PCBD2: variants seen among roughly 807,000 people sequenced by gnomAD.
PCBD2 encodes the protein pterin-4-alpha-carbinolamine dehydratase 2.
A neutral mutation model predicts 16.4 loss-of-function variants in PCBD2; 12 were observed. The observed-to-expected ratio is 0.73, with a 90% confidence interval of 0.47 to 1.19. The LOEUF (loss-of-function observed/expected upper bound fraction) is 1.19, where lower values mean the gene tolerates loss of function less well. PCBD2 is among the 50% of genes most tolerant of loss of function. The pLI, the probability that PCBD2 is intolerant of heterozygous loss-of-function variation, is 0.00. For missense variants in PCBD2, 138 were observed against 156.8 expected (o/e 0.88, Z 0.64); for synonymous variants, 58 against 61.8 (o/e 0.94, Z 0.29).
chr5:134,947,775 G>T (rs894774445), intron 2 of PCBD2, among the ~76,000 whole-genome samples: 5 of 147,826 alleles, frequency 3.4e-5, no homozygotes, highest in Admixed American at 1.4e-4. Flanking sequence ...CTATGAAGTC[G>T]TTTTTTTTTT....
chr5:134,915,700 C>T (rs968985414), intron 2 of PCBD2, among the ~76,000 whole-genome samples: 1 of 152,064 alleles, frequency 6.6e-6, no homozygotes, highest in Non-Finnish European at 1.5e-5. Flanking sequence ...ATCCTCCTGC[C>T]TCAGCCTCTC....
intron 2 of PCBD2, among the ~76,000 whole-genome samples, chr5:134,954,714 G>T (rs1484284362): frequency 1.3e-5 from 2 of 151,438 alleles, no homozygotes; most frequent in East Asian, 3.9e-4. Flanking sequence ...AATGTTGAAT[G>T]TTGGTATGTG....
intron 2 of PCBD2, among the ~76,000 whole-genome samples, chr5:134,947,113 ATGGAGTTTTGCTCT>A (rs980216981): frequency 6.7e-6 from 1 of 148,690 alleles, no homozygotes; most frequent in African/African-American, 2.5e-5. Context: ...TTTTTTTGAG[ATGGAGTTTTGCTCT>A]TGTTGCCCAG....
At chr5:134,958,847 T>C (rs948503982) in intron 2 of PCBD2, among the ~76,000 whole-genome samples, 193 bp from the exon 3 acceptor site, 1 of 152,184 alleles carries the variant, frequency 6.6e-6, no homozygotes, top group African/African-American at 2.4e-5. Context: ...TTTTTCACCA[T>C]CCAGCAGTAG....
chr5:134,952,036 A>G (rs1044133507), intron 2 of PCBD2, among the ~76,000 whole-genome samples: 2 of 152,076 alleles, frequency 1.3e-5, no homozygotes, highest in Non-Finnish European at 2.9e-5. Context: ...TTTTCAGGAA[A>G]TAGAATTTAT....
intron 1 of PCBD2, among the ~76,000 whole-genome samples, chr5:134,908,664 CA>C (rs540737382): frequency 0.071 from 4,279 of 60,592 alleles, 160 homozygotes; most frequent in African/African-American, 0.19. Flanking sequence ...GACTTGGTCT[CA>C]AAAAAAAAAA....
chr5:134,918,462 G>A (rs1325412576), intron 2 of PCBD2, among the ~76,000 whole-genome samples: 1 of 152,018 alleles, frequency 6.6e-6, no homozygotes, highest in African/African-American at 2.4e-5. Flanking sequence ...CAGAGATCAC[G>A]GCACTGCACT....
chr5:134,951,282 G>T (rs1485236125), intron 2 of PCBD2, among the ~76,000 whole-genome samples: 2 of 151,904 alleles, frequency 1.3e-5, no homozygotes, highest in African/African-American at 4.8e-5. Context: ...ATGAACTATT[G>T]TTATGCATAT....
intron 1 of PCBD2, among the ~76,000 whole-genome samples, chr5:134,906,950 T>C (rs1750698954): frequency 6.6e-6 from 1 of 152,166 alleles, no homozygotes; most frequent in Admixed American, 6.5e-5. Context: ...CATGGGGGCC[T>C]TTGATGTTAT....
In PCBD2 at chr5:134,923,834, G is replaced by A. The variant is rs1580882021; in HGVS notation, c.216+13368G>A. 5.6e-5 allele frequency: 22 copies of A among 393,926 alleles called. No individual in the cohort carries two copies. In the East Asian group the frequency reaches 6.1e-4, roughly 11 times the overall value. The allele number at this position is 393,926 out of a possible 1,614,324, so 24.4% of individuals were successfully genotyped here. A position where few individuals can be genotyped will look rare whatever the true frequency, so the allele number is the denominator to read the frequency against. On this transcript the variant is annotated intron_variant, in intron 2 of 3. Transcript: ENST00000254908. ...AGCGGATGATTCAGCCATAATTTAC[G>A]TCTCGGGTGATATGGGCGATCGATG...
chr5:134,958,952 C>A, intron 2 of PCBD2, 88 bp from the exon 3 acceptor site: 1 of 1,005,146 alleles, frequency 9.9e-7, no homozygotes, highest in African/African-American at 1.6e-5. Flanking sequence ...CCTTGCCTGC[C>A]TTTATGTGGT....
At chr5:134,915,354 A>G (rs928255877) in intron 2 of PCBD2, among the ~76,000 whole-genome samples, 4 of 151,780 alleles carry the variant, frequency 2.6e-5, no homozygotes, top group African/African-American at 7.3e-5. Flanking sequence ...GTCCTAACCT[A>G]GAAATTTATC....
intron 1 of PCBD2, chr5:134,905,485 T>G: frequency 2.9e-6 from 1 of 344,842 alleles, no homozygotes. Flanking sequence ...CGGAAACAAA[T>G]GGGAACGAAT....
chr5:134,910,156 A>C (rs1041409928), intron 1 of PCBD2, among the ~76,000 whole-genome samples, 179 bp from the exon 2 acceptor site: 1 of 152,216 alleles, frequency 6.6e-6, no homozygotes, highest in Non-Finnish European at 1.5e-5. Context: ...CCATGGAGGC[A>C]GCTTATTTTG....
At chr5:134,932,233 A>G (rs555966307) in intron 2 of PCBD2, among the ~76,000 whole-genome samples, 2 of 152,228 alleles carry the variant, frequency 1.3e-5, no homozygotes, top group East Asian at 3.9e-4. Context: ...ATTGGAGTGC[A>G]GCGACGTGAT....
intron 2 of PCBD2, among the ~76,000 whole-genome samples, chr5:134,936,176 G>T (rs1751157000): frequency 1.3e-5 from 2 of 152,156 alleles, no homozygotes; most frequent in African/African-American, 4.8e-5. Flanking sequence ...TCTTTTTTGT[G>T]TACTTAGGAT....
chr5:134,928,094 A>C (rs1561910477), intron 2 of PCBD2: 3 of 393,816 alleles, frequency 7.6e-6, no homozygotes, highest in Non-Finnish European at 1.3e-5. Flanking sequence ...GATTGAGACT[A>C]GTAGGGCTAG....
intron 2 of PCBD2, chr5:134,925,239 T>A (rs1316715865): frequency 2.5e-6 from 1 of 398,532 alleles, no homozygotes; most frequent in East Asian, 3.6e-5. Flanking sequence ...TAGACAGGGC[T>A]CAGGCGTTTG....
At chr5:134,957,307 A>C (rs1751425422) in intron 2 of PCBD2, among the ~76,000 whole-genome samples, 1 of 152,172 alleles carries the variant, frequency 6.6e-6, no homozygotes, top group African/African-American at 2.4e-5. Flanking sequence ...CATGATAATT[A>C]AGTGATAGAA....
Sources: gnomAD v4.1 joint callset for allele counts (sites outside exome capture counted in the v4.1 genomes callset) on GRCh38, gnomAD v4.1.1 for gene constraint, MANE v1.5 for transcripts, NCBI Gene and HGNC (gene_info 2026-07-23, HGNC 2026-07-21) for gene names.